The following MBTPS1 variants were observed in gnomAD, a reference collection of about 807,000 sequenced individuals.
The protein encoded by MBTPS1 is membrane bound transcription factor peptidase, site 1, also known as membrane-bound transcription factor site-1 protease.
A neutral mutation model predicts 127.8 loss-of-function variants in MBTPS1; 94 were observed. That is an observed-to-expected ratio of 0.74 (90% CI 0.62 to 0.87). The LOEUF (loss-of-function observed/expected upper bound fraction) is 0.87, where lower values mean the gene tolerates loss of function less well. MBTPS1 is among the 40% of genes least tolerant of loss of function. MBTPS1 has a pLI of 0.00. For missense variants in MBTPS1, 1,636 were observed against 1,353.2 expected (o/e 1.21, Z -3.28); for synonymous variants, 632 against 509.4 (o/e 1.24, Z -3.24).
chr16:84,077,755 A>G (rs2085882375), intron 11 of MBTPS1, among the ~76,000 whole-genome samples: 1 of 150,052 alleles, frequency 6.7e-6, no homozygotes, highest in South Asian at 2.1e-4. Flanking sequence ...TGACTATTAA[A>G]AAACAACTGC....
intron 9 of MBTPS1, 41 bp downstream of exon 9, chr16:84,087,317 T>G: frequency 6.7e-7 from 1 of 1,501,562 alleles, no homozygotes; most frequent in Non-Finnish European, 9.3e-7. Context: ...CCACAGTAGT[T>G]TGTCCAGCTA....
At chr16:84,102,443 A>G (rs1458371804) in intron 1 of MBTPS1, among the ~76,000 whole-genome samples, 1 of 152,222 alleles carries the variant, frequency 6.6e-6, no homozygotes, top group Non-Finnish European at 1.5e-5. Flanking sequence ...CACTGCTTTC[A>G]CGGGAAAATT....
Position 84,081,716 on chromosome 16 carries a change from G to C in MBTPS1, c.1448+31C>G, listed in dbSNP as rs747760630. On this transcript the variant is annotated intron_variant, in intron 11 of 22. Coordinates refer to ENST00000343411, the MANE Select transcript of MBTPS1 (RefSeq NM_003791.4). ...TTCGCCCAGAGCCCAGTGAAGGAGA[G>C]AAAGACCCATCGGCAGGGCGGTGCA... 9.0e-6 allele frequency: 12 copies of C among 1,330,844 alleles called. No individual in the cohort carries two copies. The Admixed American group carries it at 2.1e-4, about 24-fold the overall frequency. 82.4% of individuals were successfully genotyped at this position (1,330,844 alleles called of 1,614,324 possible). A position where few individuals can be genotyped will look rare whatever the true frequency, so the allele number is the denominator to read the frequency against.
intron 4 of MBTPS1, among the ~76,000 whole-genome samples, chr16:84,095,244 G>A (rs774606153): frequency 1.7e-4 from 26 of 152,298 alleles, no homozygotes; most frequent in African/African-American, 4.3e-4. Flanking sequence ...CAGGCCTGTC[G>A]GTCAGCGCCA....
chr16:84,096,950 A>C (rs1218507717), intron 3 of MBTPS1, among the ~76,000 whole-genome samples: 1 of 152,196 alleles, frequency 6.6e-6, no homozygotes, highest in African/African-American at 2.4e-5. Context: ...CTTTCAAACA[A>C]TTTAGAAAAA....
chr16:84,079,341 G>T (rs117602174), intron 11 of MBTPS1, among the ~76,000 whole-genome samples: 40 of 152,216 alleles, frequency 2.6e-4, no homozygotes, highest in Non-Finnish European at 4.9e-4. Flanking sequence ...CACATCCTTA[G>T]AACCACAGTC....
chr16:84,093,780 C>T lies in MBTPS1; in HGVS notation c.667G>A (p.Glu223Lys), dbSNP rs373768030. The T allele has an allele frequency of 6.2e-6, 10 of 1,613,988 alleles. No homozygotes were observed. The East Asian group carries it at 8.9e-5, about 14-fold the overall frequency. Residue 223 changes from glutamate to lysine, a missense_variant, in exon 5 of 23, where the codon GAG becomes AAG. Coordinates refer to ENST00000343411, the MANE Select transcript of MBTPS1 (RefSeq NM_003791.4). ...ACATTTTTGAAGTGGGGATGCTTCT[C>T]GCTCAGCCCAGTGTCAAAAACAGCA... ...RVAVFDTGLS[E>K]KHPHFKNVKE...
chr16:84,060,347 A>C, intron 20 of MBTPS1: 1 of 210,862 alleles, frequency 4.7e-6, no homozygotes, highest in Non-Finnish European at 9.6e-6. Context: ...CAAGTGCTCT[A>C]GAATGTTGGT....
At chr16:84,091,392 A>G (rs1364073805) in intron 7 of MBTPS1, among the ~76,000 whole-genome samples, 2 of 151,164 alleles carry the variant, frequency 1.3e-5, no homozygotes, top group African/African-American at 4.9e-5. Flanking sequence ...AGGCTGAGGC[A>G]GGAGAACCGC....
At chr16:84,090,566 G>A (rs1354519826) in intron 8 of MBTPS1, among the ~76,000 whole-genome samples, 4 of 152,096 alleles carry the variant, frequency 2.6e-5, no homozygotes, top group African/African-American at 9.7e-5. Context: ...TTTTCTGATT[G>A]ATTTTTGGGG....
intron 1 of MBTPS1, 93 bp downstream of exon 1, chr16:84,116,642 G>C (rs959661471): frequency 6.6e-4 from 101 of 152,112 alleles, no homozygotes; most frequent in African/African-American, 2.4e-3. Context: ...CCCTCGCCTC[G>C]GGGCCTCGGA....
At chr16:84,100,943 C>G (rs2086244741) in intron 2 of MBTPS1, among the ~76,000 whole-genome samples, 1 of 141,790 alleles carries the variant, frequency 7.1e-6, no homozygotes, top group African/African-American at 2.7e-5. Flanking sequence ...CACTTGAGGT[C>G]AGGAGTTCAA....
Position 84,095,525 on chromosome 16 carries a change from G to C in MBTPS1, c.625+77C>G, listed in dbSNP as rs910232252. ...CGAACATGGAATTCCTGCATGTCTG[G>C]ACTTTCCGCGCCTTCCCTGGGTAAT... On this transcript the variant is annotated intron_variant, in intron 4 of 22. Coordinates refer to ENST00000343411, the MANE Select transcript of MBTPS1 (RefSeq NM_003791.4). The C allele has an allele frequency of 1.4e-5, 21 of 1,506,536 alleles. No individual in the cohort carries two copies. In the African/African-American group the frequency reaches 1.9e-4, roughly 14 times the overall value. 93.3% of individuals were successfully genotyped at this position (1,506,536 alleles called of 1,614,324 possible).
At chr16:84,082,692 T>G (rs2085958987) in intron 10 of MBTPS1, among the ~76,000 whole-genome samples, 1 of 152,162 alleles carries the variant, frequency 6.6e-6, no homozygotes. Flanking sequence ...TCGTATGTGA[T>G]GATGTTTGGT....
In MBTPS1 at chr16:84,074,583, G is replaced by C. The variant is rs938781441; in HGVS notation, c.1593+14C>G. 8 of 1,611,974 alleles carry C rather than the reference G, an allele frequency of 5.0e-6. No individual in the cohort carries two copies. Among genetic ancestry groups the C allele is most frequent in the Non-Finnish European group, 6.8e-6 (8 of 1,178,636 alleles). ...CACCATCAAGTCAGAGACCAAGTCA[G>C]AGAGAAGTTTCACCTTATCTACAAT... On this transcript the variant is annotated intron_variant, in intron 12 of 22. Transcript: ENST00000343411.
Position 84,066,072 on chromosome 16 carries a change from G to A in MBTPS1, c.2354-305C>T, listed in dbSNP as rs1016889941. On this transcript the variant is annotated intron_variant, in intron 17 of 22. Transcript: ENST00000343411. ...CAGAGCAGTGAAAGGCTCAAAACAA[G>A]CTGTCCAGACCTGCAGAATGGGTAG... is the stretch of plus-strand genomic sequence containing the variant. 3.3e-5 allele frequency among the ~76,000 whole-genome samples: 5 copies of A among 152,160 alleles called. No individual in the cohort carries two copies. The South Asian group carries it at 1.0e-3, about 31-fold the overall frequency.
In MBTPS1 at chr16:84,054,184, A is replaced by G; in HGVS notation, c.*265T>C. 3.2e-6 allele frequency: 1 copy of G among 315,708 alleles called. No individual in the cohort carries two copies. Among genetic ancestry groups the G allele is most frequent in the Admixed American group, 4.9e-5 (1 of 20,210 alleles). 19.6% of individuals were successfully genotyped at this position (315,708 alleles called of 1,614,324 possible). On this transcript the variant is annotated 3_prime_UTR_variant, in exon 23 of 23. Transcript: ENST00000343411. ...CCAGACAGCCTTTCCAGTTCTCCCG[A>G]GTCTTTGGTGCGCACAGCTGCCGGC...
chr16:84,091,618 C>G (rs2086108163), intron 7 of MBTPS1, 114 bp downstream of exon 7: 2 of 716,492 alleles, frequency 2.8e-6, no homozygotes, highest in African/African-American at 3.5e-5. Flanking sequence ...TCTGTTCTCA[C>G]AAAGCTGTCA....
chr16:84,099,321 T>C lies in MBTPS1; in HGVS notation c.164-11A>G, dbSNP rs761105230. On this transcript the variant is annotated splice_polypyrimidine_tract_variant and intron_variant, in intron 2 of 22. Coordinates refer to ENST00000343411, the MANE Select transcript of MBTPS1 (RefSeq NM_003791.4). ...AAGCCACAATATATTCTGAAACCAA[T>C]CACCACAAACAAAAATAAGATTTAC... The C allele has an allele frequency of 6.2e-7, 1 of 1,611,312 alleles. No individual in the cohort carries two copies. The highest frequency in any genetic ancestry group is 8.5e-7 in the Non-Finnish European group (1 of 1,178,758).
Sources: allele counts gnomAD v4.1 joint callset (sites outside exome capture counted in the v4.1 genomes callset), GRCh38; gene constraint gnomAD v4.1.1; transcripts MANE v1.5; gene names NCBI Gene and HGNC (gene_info 2026-07-23, HGNC 2026-07-21).